Variants in SPDYE21 observed in about 807,000 individuals in gnomAD.
The protein encoded by SPDYE21 is speedy/RINGO cell cycle regulator family member E21.
In SPDYE21, 14 loss-of-function variants were observed where a neutral mutation model predicts 36.2. That is an observed-to-expected ratio of 0.39 (90% CI 0.26 to 0.61). The LOEUF is 0.61. Among genes scored for constraint, SPDYE21 ranks in the 20% least tolerant of loss-of-function variants. SPDYE21 has a pLI of 0.55. For missense variants in SPDYE21, 233 were observed against 424.6 expected, an observed-to-expected ratio of 0.55 and a Z score of 3.97; for synonymous variants, 58 against 155.1, an observed-to-expected ratio of 0.37 and a Z score of 4.65.
rs1474335355 is a variant in SPDYE21, at chr7:67,288,376, T to C, written c.*904T>C. ...TGTGATTTTTAACATGTCTCAGATA[T>C]ATATACTAACACGTCTAATATATAC... On this transcript the variant is annotated 3_prime_UTR_variant, in exon 9 of 9. Transcript: ENST00000424157. Among the ~76,000 whole-genome samples the C allele has an allele frequency of 6.8e-6, 1 of 147,502 alleles. No homozygotes were observed. The highest frequency in any genetic ancestry group is 2.4e-5 in the African/African-American group (1 of 40,980).
At chr7:67,286,528 C>T (rs889001551) in intron 7 of SPDYE21, among the ~76,000 whole-genome samples, 32 bp from the exon 8 acceptor site, 3 of 151,762 alleles carry the variant, frequency 2.0e-5, no homozygotes, top group African/African-American at 7.3e-5. Flanking sequence ...CTGGCGAGTC[C>T]CCGTCTTCTC....
chr7:67,279,771 T>C (rs1393949519), intron 2 of SPDYE21, 47 bp from the exon 3 acceptor site: 14 of 1,593,036 alleles, frequency 8.8e-6, no homozygotes, highest in Non-Finnish European at 1.1e-5. Flanking sequence ...GGGTCTAAGG[T>C]GATCAGATGC....
chr7:67,283,078 T>C (rs1802670735), intron 5 of SPDYE21, among the ~76,000 whole-genome samples: 1 of 151,078 alleles, frequency 6.6e-6, no homozygotes, highest in Non-Finnish European at 1.5e-5. Context: ...AGTGCTGAGA[T>C]TATAGATGTC....
Position 67,286,314 on chromosome 7 carries a change from C to G in SPDYE21, c.1026C>G (p.Arg342=). 1 of 1,601,140 alleles carries G rather than the reference C, an allele frequency of 6.2e-7. No individual in the cohort carries two copies. The highest frequency in any genetic ancestry group is 1.7e-5 in the Admixed American group (1 of 59,372). Residue 342 remains arginine, a synonymous_variant, in exon 7 of 9, where the codon CGC becomes CGG. Transcript: ENST00000424157. ...PLVRKRRFQL[R]RCMNPRARKN... is the part of the protein sequence containing the mutation. ...TCCGTAAGCGTCGGTTCCAGTTACGCCGTTGCATGAACCCGAGGGCCAGGA... is the reference window on the plus strand; with the variant it reads ...TCCGTAAGCGTCGGTTCCAGTTACGGCGTTGCATGAACCCGAGGGCCAGGA...
Position 67,288,112 on chromosome 7 carries a change from ATTTTC to A in SPDYE21, c.*646_*650del, listed in dbSNP as rs1233944603. On this transcript the variant is annotated 3_prime_UTR_variant, in exon 9 of 9. Transcript: ENST00000424157. ...TAGTTGTTATATATACATAAAGATA[ATTTTC>A]TTTTCATTTTTAAGAGACAATTCTT... is the stretch of plus-strand genomic sequence containing the variant. Among the ~76,000 whole-genome samples, 2 of 151,454 alleles carry A rather than the reference ATTTTC, an allele frequency of 1.3e-5. No homozygotes were observed. The highest frequency in any genetic ancestry group is 2.4e-5 in the African/African-American group (1 of 41,290).
In SPDYE21 at chr7:67,286,652, G is replaced by A. The variant is rs1413601255; in HGVS notation, c.*33G>A. ...GGGACCGTGGAGGCCTGAGGTCATC[G>A]GCCTGAGAGAAGGTACATCTGCATC... On this transcript the variant is annotated 3_prime_UTR_variant, in exon 8 of 9. Transcript: ENST00000424157. Among the ~76,000 whole-genome samples, 1 of 152,022 alleles carries A rather than the reference G, an allele frequency of 6.6e-6. No homozygotes were observed. The highest frequency in any genetic ancestry group is 2.4e-5 in the African/African-American group (1 of 41,402).
At chr7:67,285,100 C>G (rs531901196) in intron 6 of SPDYE21, among the ~76,000 whole-genome samples, 1 of 152,034 alleles carries the variant, frequency 6.6e-6, no homozygotes, top group Non-Finnish European at 1.5e-5. Flanking sequence ...TCTGCATGCC[C>G]GTAGCTCTCT....
At chr7:67,279,509 G>A (rs1471947343) in intron 2 of SPDYE21, among the ~76,000 whole-genome samples, 3 of 151,830 alleles carry the variant, frequency 2.0e-5, no homozygotes, top group African/African-American at 7.3e-5. Flanking sequence ...AGCTGAGATT[G>A]CACCACTACA....
At chr7:67,280,877 T>G (rs1584747216) in intron 3 of SPDYE21, among the ~76,000 whole-genome samples, 1 of 136,774 alleles carries the variant, frequency 7.3e-6, no homozygotes, top group Non-Finnish European at 1.6e-5. Flanking sequence ...AGGCCAGGAG[T>G]TGGAGACCAG....
In SPDYE21 at chr7:67,279,805, T is replaced by C; in HGVS notation, c.161-13T>C. ...GCAGAAGCATTACACAGTGGCCTGGTTTCTTTACTCAGCCCCTGGGGTAGA... is the reference window on the plus strand; with the variant it reads ...GCAGAAGCATTACACAGTGGCCTGGCTTCTTTACTCAGCCCCTGGGGTAGA... On this transcript the variant is annotated splice_polypyrimidine_tract_variant and intron_variant, in intron 2 of 8. Transcript: ENST00000424157. The C allele has an allele frequency of 6.3e-7, 1 of 1,594,198 alleles. No homozygotes were observed. Among genetic ancestry groups the C allele is most frequent in the Admixed American group, 1.7e-5 (1 of 59,604 alleles).
intron 8 of SPDYE21, among the ~76,000 whole-genome samples, 66 bp from the exon 9 acceptor site, chr7:67,287,452 C>T (rs1409910447): frequency 6.6e-6 from 1 of 151,998 alleles, no homozygotes; most frequent in Non-Finnish European, 1.5e-5. Flanking sequence ...TGACATGGGA[C>T]GTGAATAACC....
chr7:67,279,683 A>C, intron 2 of SPDYE21, 135 bp from the exon 3 acceptor site: 8 of 1,588,148 alleles, frequency 5.0e-6, no homozygotes, highest in Non-Finnish European at 6.8e-6. Context: ...GCAGAGGAGA[A>C]AATCAGACAG....
At chr7:67,285,588 C>T (rs1353779782) in intron 6 of SPDYE21, among the ~76,000 whole-genome samples, 1 of 151,936 alleles carries the variant, frequency 6.6e-6, no homozygotes, top group African/African-American at 2.4e-5. Flanking sequence ...TGGGGTTTCT[C>T]CGTGTTGACC....
At chr7:67,284,829 C>A (rs1802702648) in intron 6 of SPDYE21, among the ~76,000 whole-genome samples, 1 of 151,980 alleles carries the variant, frequency 6.6e-6, no homozygotes, top group Non-Finnish European at 1.5e-5. Flanking sequence ...GAACAACTTC[C>A]TTAGCTGATG....
chr7:67,284,434 G>A (rs1802692961), intron 6 of SPDYE21, among the ~76,000 whole-genome samples: 1 of 100,992 alleles, frequency 9.9e-6, no homozygotes, highest in African/African-American at 3.9e-5. Flanking sequence ...GGGTGACAGA[G>A]TGAGACTTTT....
At chr7:67,280,115 A>G (rs1802606036) in intron 3 of SPDYE21, 79 bp downstream of exon 3, 4 of 1,511,204 alleles carry the variant, frequency 2.6e-6, no homozygotes, top group South Asian at 2.5e-5. Flanking sequence ...CACTTTTCCA[A>G]TGGGAAAGAT....
In SPDYE21 at chr7:67,280,148, C is replaced by T; in HGVS notation, c.379+112C>T. On this transcript the variant is annotated intron_variant, in intron 3 of 8. Transcript: ENST00000424157. ...GATACGCCCCCAGTGGGTGAGCTCT[C>T]CACGCAGGAGGACTCAGAAGTGATC... The T allele has an allele frequency of 2.0e-6, 3 of 1,494,854 alleles. No individual in the cohort carries two copies. In the South Asian group the frequency reaches 3.9e-5, roughly 20 times the overall value. The allele number at this position is 1,494,854 out of a possible 1,614,324, so 92.6% of individuals were successfully genotyped here. A position where few individuals can be genotyped will look rare whatever the true frequency, so the allele number is the denominator to read the frequency against.
chr7:67,285,822 C>T (rs576536075), intron 6 of SPDYE21, among the ~76,000 whole-genome samples: 29 of 152,066 alleles, frequency 1.9e-4, no homozygotes, highest in African/African-American at 6.3e-4. Context: ...CCACCACTCT[C>T]GGCCACCAGT....
chr7:67,284,905 A>G (rs1380543985), intron 6 of SPDYE21, among the ~76,000 whole-genome samples: 1 of 149,246 alleles, frequency 6.7e-6, no homozygotes, highest in Non-Finnish European at 1.5e-5. Context: ...CTACAAGCAC[A>G]CTGGCTCACC....
Sources: allele counts gnomAD v4.1 joint callset (sites outside exome capture counted in the v4.1 genomes callset), GRCh38; gene constraint gnomAD v4.1.1; transcripts MANE v1.5; gene names NCBI Gene and HGNC (gene_info 2026-07-23, HGNC 2026-07-21).